Variants in ROR2 observed in about 807,000 individuals in gnomAD.
ROR2 encodes the protein tyrosine-protein kinase transmembrane receptor ROR2.
In ROR2, 33 loss-of-function variants were observed where a neutral mutation model predicts 74.9. That is an observed-to-expected ratio of 0.44 (90% CI 0.33 to 0.59). The LOEUF (loss-of-function observed/expected upper bound fraction) is 0.59. Ranked by LOEUF, ROR2 falls within the 20% of genes least tolerant of loss-of-function variation. ROR2 has a pLI of 0.02. For synonymous variants in ROR2, 586 were observed against 558.7 expected, an observed-to-expected ratio of 1.05 and a Z score of -0.69; for missense variants, 1,216 against 1,313.8, an observed-to-expected ratio of 0.93 and a Z score of 1.15.
At chr9:91,847,246 C>T (rs16907893) in intron 1 of ROR2, among the ~76,000 whole-genome samples, 18,581 of 152,156 alleles carry the variant, frequency 0.12, 2,542 homozygotes, top group African/African-American at 0.34. Context: ...ACCAGAAAGA[C>T]GGGAGAAGTG....
At chr9:91,902,529 C>G (rs1830701705) in intron 1 of ROR2, among the ~76,000 whole-genome samples, 2 of 152,100 alleles carry the variant, frequency 1.3e-5, no homozygotes, top group African/African-American at 4.8e-5. Flanking sequence ...CCTGAGACCT[C>G]CTGAACTGCC....
chr9:91,802,067 GTTTTTT>G (rs60111555), intron 1 of ROR2, among the ~76,000 whole-genome samples: 2,111 of 103,704 alleles, frequency 0.02, 54 homozygotes, highest in African/African-American at 0.07. Context: ...TTTGGAAGGT[GTTTTTT>G]TTTTTTTTTT....
chr9:91,794,616 T>A (rs1298837481), intron 1 of ROR2, among the ~76,000 whole-genome samples: 1 of 152,144 alleles, frequency 6.6e-6, no homozygotes, highest in African/African-American at 2.4e-5. Flanking sequence ...GCAGAGTCTC[T>A]GTCACCCAGG....
At chr9:91,804,760 C>T (rs1390376035) in intron 1 of ROR2, among the ~76,000 whole-genome samples, 2 of 152,160 alleles carry the variant, frequency 1.3e-5, no homozygotes, top group Non-Finnish European at 2.9e-5. Flanking sequence ...CAGAACTGCA[C>T]TCTGAGATGA....
At chr9:91,819,314 C>T (rs979309466) in intron 1 of ROR2, among the ~76,000 whole-genome samples, 8 of 152,224 alleles carry the variant, frequency 5.3e-5, no homozygotes, top group Non-Finnish European at 8.8e-5. Context: ...AGAGAGGGTC[C>T]TGCTTCCCAG....
intron 1 of ROR2, among the ~76,000 whole-genome samples, chr9:91,864,260 C>T (rs1199774006): frequency 2.6e-5 from 4 of 152,172 alleles, no homozygotes; most frequent in Admixed American, 2.6e-4. Context: ...GAAAGAGATC[C>T]ACCTGTTTCC....
rs898615358 is a variant in ROR2, at chr9:91,733,153, G to A, written c.906C>T (p.Arg302=). 3 of 1,602,956 alleles carry A rather than the reference G, an allele frequency of 1.9e-6. No homozygotes were observed. Among genetic ancestry groups the A allele is most frequent in the African/African-American group, 1.3e-5 (1 of 74,810 alleles). Residue 302 remains arginine (R), a synonymous_variant, in exon 6 of 9, where the codon CGC becomes CGT. Transcript: ENST00000375708. This position sits in a 1 kb window ranked among gnomAD's most constrained non-coding sequence, Gnocchi z 5.7. Reference sequence around the variant, plus strand: ...CCAGCCTCTCGGCTGGGATGCCAATGCGCATGCAGTTGGCAGCGTCGGGGC... The same window carrying A: ...CCAGCCTCTCGGCTGGGATGCCAATACGCATGCAGTTGGCAGCGTCGGGGC... ...PESPDAANCM[R]IGIPAERLGR...
At chr9:91,897,673 C>T (rs910742790) in intron 1 of ROR2, among the ~76,000 whole-genome samples, 1 of 152,134 alleles carries the variant, frequency 6.6e-6, no homozygotes, top group Non-Finnish European at 1.5e-5. Flanking sequence ...TGAGGACAGG[C>T]TTCCAGGCCC....
intron 2 of ROR2, among the ~76,000 whole-genome samples, chr9:91,759,135 T>C (rs1825840976): frequency 6.6e-6 from 1 of 152,208 alleles, no homozygotes. Context: ...CGGAAAATTA[T>C]AGTATTTCTA....
chr9:91,942,884 T>C (rs1831913623), intron 1 of ROR2, among the ~76,000 whole-genome samples: 1 of 152,186 alleles, frequency 6.6e-6, no homozygotes, highest in South Asian at 2.1e-4. Context: ...GCCACCTTGA[T>C]TTTGGACTTC....
intron 1 of ROR2, chr9:91,887,034 C>G (rs1290532690): frequency 6.6e-6 from 1 of 152,224 alleles, no homozygotes. Context: ...GCTCCCAGAG[C>G]AGATGCACAA....
intron 6 of ROR2, among the ~76,000 whole-genome samples, chr9:91,731,701 G>A (rs925289531): frequency 2.0e-5 from 3 of 152,162 alleles, no homozygotes; most frequent in Non-Finnish European, 2.9e-5. Flanking sequence ...GATCACTTGA[G>A]GTCAGGAGTT....
At chr9:91,890,090 G>A (rs577853116) in intron 1 of ROR2, among the ~76,000 whole-genome samples, 1 of 152,332 alleles carries the variant, frequency 6.6e-6, no homozygotes, top group Non-Finnish European at 1.5e-5. Context: ...GTGAGGGTCA[G>A]AGGTGTTCTT....
At chr9:91,946,271 G>C (rs1365992921) in intron 1 of ROR2, among the ~76,000 whole-genome samples, 2 of 152,162 alleles carry the variant, frequency 1.3e-5, no homozygotes, top group East Asian at 3.8e-4. Flanking sequence ...TTCTCCACTT[G>C]GTGGTCACCA....
At chr9:91,750,757 G>C (rs192396203) in intron 4 of ROR2, among the ~76,000 whole-genome samples, 28 of 152,268 alleles carry the variant, frequency 1.8e-4, no homozygotes, top group African/African-American at 6.5e-4. Context: ...AAAATACCAC[G>C]AGTGTTGATT....
chr9:91,882,745 G>A (rs1830152888), intron 1 of ROR2, among the ~76,000 whole-genome samples: 1 of 152,106 alleles, frequency 6.6e-6, no homozygotes, highest in Admixed American at 6.5e-5. Context: ...GAAGACAGAT[G>A]TCATAAGAAG....
chr9:91,736,335 G>A (rs1360191535), intron 5 of ROR2, among the ~76,000 whole-genome samples: 3 of 152,192 alleles, frequency 2.0e-5, no homozygotes, highest in East Asian at 1.9e-4. Flanking sequence ...AGGGTGACCT[G>A]AACTTAGAAG....
At chr9:91,840,173 G>A (rs539181036) in intron 1 of ROR2, among the ~76,000 whole-genome samples, 8 of 152,214 alleles carry the variant, frequency 5.3e-5, no homozygotes, top group Non-Finnish European at 1.2e-4. Flanking sequence ...GGAGTGGGTA[G>A]TAGAGGAATC....
At chr9:91,884,679 A>G (rs1056352618) in intron 1 of ROR2, among the ~76,000 whole-genome samples, 1 of 152,050 alleles carries the variant, frequency 6.6e-6, no homozygotes, top group Non-Finnish European at 1.5e-5. Context: ...CTGGAACTGG[A>G]GCTAACACAT....
Sources: gnomAD v4.1 joint callset for allele counts (sites outside exome capture counted in the v4.1 genomes callset) on GRCh38, gnomAD v4.1.1 for gene constraint, Gnocchi (gnomAD v3.1) non-coding constraint, MANE v1.5 for transcripts, NCBI Gene and HGNC (gene_info 2026-07-23, HGNC 2026-07-21) for gene names.